Variants in CNOT6L observed in about 807,000 individuals in gnomAD.
CNOT6L encodes CCR4-NOT transcription complex subunit 6-like.
CNOT6L carries 7 observed loss-of-function variants against 64.0 expected under a neutral mutation model. That is an observed-to-expected ratio of 0.11 (90% CI 0.06 to 0.21). The LOEUF (loss-of-function observed/expected upper bound fraction) is 0.21, where lower values mean the gene tolerates loss of function less well. Ranked by LOEUF, CNOT6L falls within the 10% of genes least tolerant of loss-of-function variation. The pLI is 1.00. For missense variants in CNOT6L, 245 were observed against 669.0 expected, an observed-to-expected ratio of 0.37 and a Z score of 6.99; for synonymous variants, 193 against 243.4, an observed-to-expected ratio of 0.79 and a Z score of 1.93.
At chr4:77,819,114 GC>G in intron 1 of CNOT6L, 189 bp downstream of exon 1, 1 of 1,059,076 alleles carries the variant, frequency 9.4e-7, no homozygotes, top group Non-Finnish European at 1.4e-6. Flanking sequence ...ACGCGGGTCA[GC>G]CCCGCCGCCC....
At chr4:77,804,033 C>T (rs1731929941) in intron 1 of CNOT6L, among the ~76,000 whole-genome samples, 1 of 152,138 alleles carries the variant, frequency 6.6e-6, no homozygotes, top group Admixed American at 6.5e-5. Context: ...CTTAGGTATA[C>T]ACCCAAGAGA....
chr4:77,728,037 A>G (rs1560573767), intron 10 of CNOT6L, among the ~76,000 whole-genome samples: 2 of 152,232 alleles, frequency 1.3e-5, no homozygotes, highest in Admixed American at 6.5e-5. Context: ...TTGGCAAAAG[A>G]GTAATAGTCT....
At chr4:77,758,364 A>G (rs1725799646) in intron 4 of CNOT6L, among the ~76,000 whole-genome samples, 1 of 152,224 alleles carries the variant, frequency 6.6e-6, no homozygotes, top group African/African-American at 2.4e-5. Context: ...CAAGAAAAAC[A>G]GATTCAAAGA....
At chr4:77,744,616 G>C (rs994739734) in intron 7 of CNOT6L, 102 bp downstream of exon 7, 32 of 953,546 alleles carry the variant, frequency 3.4e-5, no homozygotes, top group Admixed American at 7.3e-5. Context: ...AATTCTTTTT[G>C]AGCTTTGGCT....
At chr4:77,789,610 T>C (rs944317583) in intron 1 of CNOT6L, among the ~76,000 whole-genome samples, 1 of 150,660 alleles carries the variant, frequency 6.6e-6, no homozygotes, top group Non-Finnish European at 1.5e-5. Context: ...CAGTGAGCCA[T>C]GATCATGCCA....
At chr4:77,744,132 CT>C (rs1723927434) in intron 7 of CNOT6L, among the ~76,000 whole-genome samples, 1 of 152,126 alleles carries the variant, frequency 6.6e-6, no homozygotes, top group Non-Finnish European at 1.5e-5. Flanking sequence ...ATTCAAACAT[CT>C]TTTTGGCTAA....
At chr4:77,755,551 C>A (rs1459430027) in intron 5 of CNOT6L, among the ~76,000 whole-genome samples, 1 of 152,108 alleles carries the variant, frequency 6.6e-6, no homozygotes, top group Non-Finnish European at 1.5e-5. Context: ...AAACAGCATA[C>A]ACATGCTATG....
At chr4:77,771,176 C>T (rs1436190247) in intron 4 of CNOT6L, among the ~76,000 whole-genome samples, 1 of 152,038 alleles carries the variant, frequency 6.6e-6, no homozygotes, top group Non-Finnish European at 1.5e-5. Flanking sequence ...AAAAAATTAG[C>T]CGGACGTGGT....
intron 1 of CNOT6L, among the ~76,000 whole-genome samples, chr4:77,791,066 TC>T: frequency 6.6e-6 from 1 of 151,988 alleles, no homozygotes; most frequent in East Asian, 2.0e-4. Context: ...TCACTTGAGG[TC>T]AGGAGTTCCA....
rs531480270 is a variant in CNOT6L, at chr4:77,754,970, A to T, written c.490+1892T>A. 4.1e-5 allele frequency among the ~76,000 whole-genome samples: 6 copies of T among 146,406 alleles called. No homozygotes were observed. In the East Asian group the frequency reaches 1.2e-3, roughly 29 times the overall value. The stretch of plus-strand genomic sequence containing the variant: ...ATTCATGATCTTGTGGTATCAAAAA[A>T]TTCTTAAAAAGGATAAAAGCGGTAC... On this transcript the variant is annotated intron_variant, in intron 5 of 11. Coordinates refer to ENST00000504123, the MANE Select transcript of CNOT6L (RefSeq NM_144571.3).
intron 1 of CNOT6L, among the ~76,000 whole-genome samples, chr4:77,794,250 G>A (rs1476510008): frequency 2.7e-5 from 4 of 149,848 alleles, no homozygotes; most frequent in African/African-American, 9.8e-5. Flanking sequence ...TGGCCTTTAT[G>A]GAAGAAACAA....
intron 8 of CNOT6L, among the ~76,000 whole-genome samples, chr4:77,740,424 T>C (rs970538238): frequency 3.3e-5 from 5 of 152,044 alleles, no homozygotes; most frequent in African/African-American, 1.2e-4. Flanking sequence ...CTAAATGAGG[T>C]AATCTTATAA....
At chr4:77,816,433 T>C (rs549716144) in intron 1 of CNOT6L, among the ~76,000 whole-genome samples, 2 of 152,128 alleles carry the variant, frequency 1.3e-5, no homozygotes, top group Non-Finnish European at 2.9e-5. Context: ...TATAACCACA[T>C]GGCAGAAGAT....
chr4:77,790,113 C>T (rs770498191), intron 1 of CNOT6L, among the ~76,000 whole-genome samples: 56 of 152,092 alleles, frequency 3.7e-4, no homozygotes, highest in Middle Eastern at 3.2e-3. Flanking sequence ...TTGCTGCCTC[C>T]ATAGTTTTGC....
chr4:77,715,427 A>T lies in CNOT6L; in HGVS notation c.*5004T>A, dbSNP rs939784773. On this transcript the variant is annotated 3_prime_UTR_variant, in exon 12 of 12. Coordinates refer to ENST00000504123, the MANE Select transcript of CNOT6L (RefSeq NM_144571.3). ...TTGAAAGTGAAAACTATTTTACTTA[A>T]AAAATATTCTATTACTTCAATGTCA... is the stretch of plus-strand genomic sequence containing the variant. 1.2e-4 allele frequency: 19 copies of T among 152,158 alleles called. No homozygotes were observed. Among genetic ancestry groups the T allele is most frequent in the African/African-American group, 4.6e-4 (19 of 41,456 alleles). The allele number at this position is 152,158 out of a possible 1,614,324, so 9.4% of individuals were successfully genotyped here.
intron 1 of CNOT6L, 63 bp downstream of exon 1, chr4:77,819,241 C>T (rs536480981): frequency 6.2e-7 from 1 of 1,613,230 alleles, no homozygotes; most frequent in African/African-American, 1.3e-5. Context: ...ACCTCATTTC[C>T]CCGGGGACGC....
intron 7 of CNOT6L, among the ~76,000 whole-genome samples, chr4:77,744,368 T>C (rs1723960187): frequency 6.6e-6 from 1 of 151,798 alleles, no homozygotes; most frequent in Non-Finnish European, 1.5e-5. Context: ...AAAAACAGAC[T>C]CCAATACAAG....
At chr4:77,797,126 A>AAAAAAAAAAAG (rs59311223) in intron 1 of CNOT6L, among the ~76,000 whole-genome samples, 1 of 150,276 alleles carries the variant, frequency 6.7e-6, no homozygotes, top group African/African-American at 2.5e-5. Flanking sequence ...AAAAAAAAAA[A>AAAAAAAAAAAG]CTGCCAAGGA....
At chr4:77,819,496 C>A (rs1222143466), upstream of CNOT6L, 1 of 1,253,914 alleles carries the variant, frequency 8.0e-7, no homozygotes, top group East Asian at 2.8e-5. Flanking sequence ...GAGGGGAAGC[C>A]GCGGCGGCAC....
Sources: allele counts gnomAD v4.1 joint callset (sites outside exome capture counted in the v4.1 genomes callset), GRCh38; gene constraint gnomAD v4.1.1; transcripts MANE v1.5; gene names NCBI Gene and HGNC (gene_info 2026-07-23, HGNC 2026-07-21).